The following ANO3 variants were observed in gnomAD, a reference collection of about 807,000 sequenced individuals.
ANO3 encodes the protein anoctamin 3, also known as anoctamin-3.
In ANO3, 99 loss-of-function variants were observed where a neutral mutation model predicts 144.8. That is an observed-to-expected ratio of 0.68 (90% CI 0.58 to 0.81). The LOEUF (loss-of-function observed/expected upper bound fraction) is 0.81. Among genes scored for constraint, ANO3 ranks in the 30% least tolerant of loss-of-function variants. ANO3 has a pLI of 0.00. For synonymous variants in ANO3, 414 were observed against 392.6 expected (o/e 1.05, Z -0.64); for missense variants, 905 against 1,202.2 (o/e 0.75, Z 3.66).
At chr11:26,303,415 G>A (rs1001334905) in intron 1 of ANO3, among the ~76,000 whole-genome samples, 4 of 152,140 alleles carry the variant, frequency 2.6e-5, no homozygotes, top group Non-Finnish European at 5.9e-5. Flanking sequence ...GCAACTGGAG[G>A]CCATTATCCT....
Position 26,478,202 on chromosome 11 carries a change from C to T in ANO3, c.432+15054C>T, listed in dbSNP as rs144770956. Among the ~76,000 whole-genome samples the T allele has an allele frequency of 2.6e-3, 391 of 152,194 alleles. 6 individuals carry two copies. The South Asian group carries it at 0.03, about 12-fold the overall frequency. On this transcript the variant is annotated intron_variant, in intron 4 of 26. Transcript: ENST00000256737. ...TGGGCCAGCAGATCTATTCTATATG[C>T]TCTGGAGACCACCAAGCCTCAGGAT...
chr11:26,421,765 A>G (rs1179699099), intron 1 of ANO3, among the ~76,000 whole-genome samples: 1 of 152,098 alleles, frequency 6.6e-6, no homozygotes, highest in African/African-American at 2.4e-5. Context: ...CCATGCAACT[A>G]TAAAAAAGAA....
chr11:26,193,259 A>G (rs1851513697), intron 1 of ANO3, among the ~76,000 whole-genome samples: 3 of 149,228 alleles, frequency 2.0e-5, no homozygotes, highest in African/African-American at 7.5e-5. Flanking sequence ...ATCCTGCCTC[A>G]GCCTCCAGAG....
chr11:26,268,891 C>A (rs1225490605), intron 1 of ANO3, among the ~76,000 whole-genome samples: 2 of 152,130 alleles, frequency 1.3e-5, no homozygotes, highest in Non-Finnish European at 2.9e-5. Context: ...AAACAGACAT[C>A]GTGACCTGCT....
chr11:26,233,747 G>A (rs1399403032), intron 1 of ANO3, among the ~76,000 whole-genome samples: 5 of 152,162 alleles, frequency 3.3e-5, no homozygotes, highest in African/African-American at 9.7e-5. Context: ...GTACACCAAG[G>A]AATACTATGC....
intron 14 of ANO3, among the ~76,000 whole-genome samples, chr11:26,587,721 C>A (rs1851326514): frequency 6.6e-6 from 1 of 152,050 alleles, no homozygotes; most frequent in Non-Finnish European, 1.5e-5. Context: ...CTTTGGGAAG[C>A]CAAGGCAGGA....
chr11:26,651,964 C>G (rs1230891601), intron 24 of ANO3, among the ~76,000 whole-genome samples: 1 of 152,198 alleles, frequency 6.6e-6, no homozygotes, highest in Non-Finnish European at 1.5e-5. Flanking sequence ...TGCCCCTCCC[C>G]TTTCCTTTGA....
chr11:26,338,830 A>G, intron 1 of ANO3, among the ~76,000 whole-genome samples: 1 of 151,152 alleles, frequency 6.6e-6, no homozygotes, highest in Admixed American at 6.6e-5. Flanking sequence ...GACACATCTG[A>G]ACATCTGAAG....
At chr11:26,229,580 G>C (rs1852344904) in intron 1 of ANO3, among the ~76,000 whole-genome samples, 1 of 152,150 alleles carries the variant, frequency 6.6e-6, no homozygotes, top group South Asian at 2.1e-4. Flanking sequence ...GTGTGCATAT[G>C]CTAGTTAGAT....
intron 1 of ANO3, among the ~76,000 whole-genome samples, chr11:26,294,055 G>T (rs1171769714): frequency 6.6e-6 from 1 of 152,164 alleles, no homozygotes; most frequent in East Asian, 1.9e-4. Context: ...TGTTTGGAGA[G>T]CTGCAGGGAG....
chr11:26,247,302 G>A (rs537484421), intron 1 of ANO3, among the ~76,000 whole-genome samples: 15 of 152,100 alleles, frequency 9.9e-5, no homozygotes, highest in Admixed American at 3.3e-4. Context: ...TTTTCCAAGC[G>A]TGACCTAGTT....
At chr11:26,282,629 A>C (rs1424516511) in intron 1 of ANO3, among the ~76,000 whole-genome samples, 1 of 152,156 alleles carries the variant, frequency 6.6e-6, no homozygotes, top group East Asian at 1.9e-4. Context: ...TCATTTTTAA[A>C]AAGCTCATCT....
intron 14 of ANO3, among the ~76,000 whole-genome samples, chr11:26,590,829 C>A (rs1851426029): frequency 6.6e-6 from 1 of 152,066 alleles, no homozygotes; most frequent in Admixed American, 6.5e-5. Context: ...TGGTGGACGG[C>A]AAGCGAAAGC....
intron 3 of ANO3, among the ~76,000 whole-genome samples, chr11:26,452,230 G>T (rs1293763740): frequency 1.3e-5 from 2 of 152,218 alleles, no homozygotes; most frequent in Non-Finnish European, 2.9e-5. Flanking sequence ...AAAGCTGGAC[G>T]GAGAATGACT....
At chr11:26,577,498 G>A (rs1234814923) in intron 14 of ANO3, among the ~76,000 whole-genome samples, 1 of 151,430 alleles carries the variant, frequency 6.6e-6, no homozygotes, top group Non-Finnish European at 1.5e-5. Flanking sequence ...GGGAGGCAGA[G>A]GTTGCAGTGA....
chr11:26,265,015 G>A (rs181308610), intron 1 of ANO3, among the ~76,000 whole-genome samples: 356 of 152,064 alleles, frequency 2.3e-3, no homozygotes, highest in Middle Eastern at 3.4e-3. Flanking sequence ...TAACAATAAA[G>A]TGGAAAACAG....
chr11:26,366,956 A>C (rs1250024391), intron 1 of ANO3, among the ~76,000 whole-genome samples: 1 of 152,192 alleles, frequency 6.6e-6, no homozygotes, highest in Non-Finnish European at 1.5e-5. Context: ...AATACCAAAC[A>C]TCTACAACTA....
intron 9 of ANO3, among the ~76,000 whole-genome samples, chr11:26,536,118 A>C (rs1423070243): frequency 1.4e-5 from 1 of 73,788 alleles, no homozygotes; most frequent in Non-Finnish European, 3.2e-5. Flanking sequence ...TCAGGGGTTC[A>C]AGACCAGCCT....
At chr11:26,281,738 A>G (rs1429560744) in intron 1 of ANO3, among the ~76,000 whole-genome samples, 2 of 152,174 alleles carry the variant, frequency 1.3e-5, no homozygotes, top group Admixed American at 6.5e-5. Context: ...AAAGCCTAAG[A>G]CCTTGGTTAT....
Sources: gnomAD v4.1 joint callset for allele counts (sites outside exome capture counted in the v4.1 genomes callset) on GRCh38, gnomAD v4.1.1 for gene constraint, MANE v1.5 for transcripts, NCBI Gene and HGNC (gene_info 2026-07-23, HGNC 2026-07-21) for gene names.